Variants in PIWIL1 observed in about 807,000 individuals in gnomAD.
PIWIL1 encodes the protein piwi-like protein 1.
In PIWIL1, 73 loss-of-function variants were observed where a neutral mutation model predicts 114.4. That is an observed-to-expected ratio of 0.64 (90% CI 0.53 to 0.78). The LOEUF (loss-of-function observed/expected upper bound fraction) is 0.78. PIWIL1 is among the 30% of genes least tolerant of loss of function. PIWIL1 has a pLI of 0.00. For missense variants in PIWIL1, 723 were observed against 1,063.1 expected, an observed-to-expected ratio of 0.68 and a Z score of 4.45; for synonymous variants, 375 against 369.0, an observed-to-expected ratio of 1.02 and a Z score of -0.19.
At chr12:130,377,603 G>A (rs2073877617), downstream of PIWIL1, among the ~76,000 whole-genome samples, 1 of 152,236 alleles carries the variant, frequency 6.6e-6, no homozygotes. Flanking sequence ...CAGATGCTCT[G>A]CTGGCATTGG....
At chr12:130,357,184 C>A in intron 13 of PIWIL1, 79 bp downstream of exon 13, 1 of 1,127,570 alleles carries the variant, frequency 8.9e-7, no homozygotes, top group Non-Finnish European at 1.3e-6. Context: ...AACATACAAA[C>A]TACGTTATCT....
At chr12:130,391,904 C>G in the PIWIL1 span, among the ~76,000 whole-genome samples, 1 of 146,932 alleles carries the variant, frequency 6.8e-6, no homozygotes, top group African/African-American at 2.5e-5. Context: ...CACATGCGTG[C>G]GTCAGTGACC....
At chr12:130,391,375 A>G in the PIWIL1 span, among the ~76,000 whole-genome samples, 3 of 152,300 alleles carry the variant, frequency 2.0e-5, no homozygotes, top group African/African-American at 7.2e-5. Context: ...ATCTGACGCA[A>G]GTCCAGCCAT....
At chr12:130,343,412 A>G (rs553749518) in intron 3 of PIWIL1, among the ~76,000 whole-genome samples, 1 of 152,346 alleles carries the variant, frequency 6.6e-6, no homozygotes, top group South Asian at 2.1e-4. Context: ...CATTGTGACC[A>G]TTAATACATG....
Position 130,338,053 on chromosome 12 carries a change from G to A in PIWIL1, c.-106G>A. ...GGGCCGAAGGAGGTCCTGGGAGGTCGGCGGCGCGGAGGGATCTCCGCGGGA... is the reference window on the plus strand; with the variant it reads ...GGGCCGAAGGAGGTCCTGGGAGGTCAGCGGCGCGGAGGGATCTCCGCGGGA... On this transcript the variant is annotated 5_prime_UTR_variant, in exon 1 of 21. Coordinates refer to ENST00000245255, the MANE Select transcript of PIWIL1 (RefSeq NM_004764.5). 5.6e-6 allele frequency: 1 copy of A among 178,552 alleles called. No homozygotes were observed. The highest frequency in any genetic ancestry group is 1.2e-5 in the Non-Finnish European group (1 of 85,380). The allele number at this position is 178,552 out of a possible 1,614,324, so 11.1% of individuals were successfully genotyped here.
At chr12:130,386,189 A>G in the PIWIL1 span, among the ~76,000 whole-genome samples, 1 of 152,150 alleles carries the variant, frequency 6.6e-6, no homozygotes, top group African/African-American at 2.4e-5. Flanking sequence ...TTCTTTTTTC[A>G]TTTTTACTTT....
chr12:130,396,735 A>AAAC, the PIWIL1 span: 1 of 152,662 alleles, frequency 6.6e-6, no homozygotes, highest in Non-Finnish European at 1.5e-5. Flanking sequence ...ATGATTGAGT[A>AAAC]AACATTTTCT....
rs2073070516 is a variant in PIWIL1 at position 130,346,431 on chromosome 12, G to C, written c.378G>C (p.Gln126His). Residue 126 changes from glutamine to histidine, a missense_variant, in exon 5 of 21, where the codon CAG becomes CAC. Gln to His is a conservative substitution (Grantham distance 24, BLOSUM62 0). Transcript: ENST00000245255. ...ATTTCCGGCTGACATCCCGTCCCCA[G>C]TGGGCCTTATATCAGTATCACATTG... ...TNHFRLTSRPQWALYQYHIDY... is the reference protein window; with the variant it reads ...TNHFRLTSRPHWALYQYHIDY... 3 of 1,614,020 alleles carry C rather than the reference G, an allele frequency of 1.9e-6. No individual in the cohort carries two copies. Among genetic ancestry groups the C allele is most frequent in the Admixed American group, 3.3e-5 (2 of 60,000 alleles).
At position 130,342,634 on chromosome 12, in the gene PIWIL1, G is replaced by A. The variant is rs150787742; in HGVS notation, c.43G>A (p.Gly15Ser). The A allele has an allele frequency of 2.9e-5, 46 of 1,613,834 alleles. No homozygotes were observed. The highest frequency in any genetic ancestry group is 3.3e-4 in the Middle Eastern group (2 of 6,078). Residue 15 changes from glycine (G) to serine (S), a missense_variant, in exon 2 of 21, where the codon GGT (glycine) becomes AGT (serine). Around this residue, in one of 8 missense-constraint regions of PIWIL1, gnomAD observed 91 missense variants for 76.2 expected, o/e 1.19. Transcript: ENST00000245255. ...ARARARGRARGQETAQLVGST... is the reference protein window; with the variant it reads ...ARARARGRARSQETAQLVGST... ...AGCCAGAGCCAGAGGAAGGGCCCGCGGTCAGGAGACAGCGCAGCTGGTGGG... is the reference window on the plus strand; with the variant it reads ...AGCCAGAGCCAGAGGAAGGGCCCGCAGTCAGGAGACAGCGCAGCTGGTGGG...
chr12:130,349,012 T>C (rs904710243), intron 7 of PIWIL1, among the ~76,000 whole-genome samples: 1 of 152,254 alleles, frequency 6.6e-6, no homozygotes, highest in Non-Finnish European at 1.5e-5. Flanking sequence ...GTGTAATGAA[T>C]AGCTGAATAA....
chr12:130,366,233 TTAAC>T (rs1210539466), intron 18 of PIWIL1, among the ~76,000 whole-genome samples: 1 of 152,154 alleles, frequency 6.6e-6, no homozygotes, highest in African/African-American at 2.4e-5. Flanking sequence ...AATTCATGGA[TTAAC>T]TACGTGGATT....
chr12:130,414,307 C>T, the PIWIL1 span: 1 of 1,577,648 alleles, frequency 6.3e-7, no homozygotes, highest in African/African-American at 1.3e-5. Flanking sequence ...CCGTAATCGT[C>T]TGCGAGCAAG....
At chr12:130,402,564 T>G in the PIWIL1 span, among the ~76,000 whole-genome samples, 390 of 152,234 alleles carry the variant, frequency 2.6e-3, 1 homozygote, top group Non-Finnish European at 4.6e-3. Flanking sequence ...TCTAAAAAAA[T>G]TTCACCTTGA....
the PIWIL1 span, chr12:130,414,194 C>A: frequency 6.2e-6 from 10 of 1,614,002 alleles, no homozygotes; most frequent in African/African-American, 1.3e-4. Context: ...ACATGGTGAG[C>A]GGGTCGTAGT....
chr12:130,369,055 AC>A (rs1014882419), intron 19 of PIWIL1, among the ~76,000 whole-genome samples: 1 of 150,814 alleles, frequency 6.6e-6, no homozygotes, highest in Middle Eastern at 3.2e-3. Context: ...CCTCCTCCTT[AC>A]CCCCCAACAG....
intron 9 of PIWIL1, among the ~76,000 whole-genome samples, chr12:130,352,345 G>C (rs895541107): frequency 6.6e-6 from 1 of 152,112 alleles, no homozygotes; most frequent in African/African-American, 2.4e-5. Flanking sequence ...TAATAAAAAT[G>C]AGAGTGCTGT....
At chr12:130,344,340 G>A (rs1294541238) in intron 3 of PIWIL1, among the ~76,000 whole-genome samples, 1 of 152,154 alleles carries the variant, frequency 6.6e-6, no homozygotes, top group Non-Finnish European at 1.5e-5. Context: ...AGCTCACTGA[G>A]AGAGACAAGT....
At chr12:130,423,260 G>T in the PIWIL1 span, among the ~76,000 whole-genome samples, 1 of 152,222 alleles carries the variant, frequency 6.6e-6, no homozygotes. Flanking sequence ...ATGGTGGGAA[G>T]GGAGTCCGGG....
downstream of PIWIL1, among the ~76,000 whole-genome samples, chr12:130,375,821 C>A (rs2073862673): frequency 6.6e-6 from 1 of 152,092 alleles, no homozygotes; most frequent in Admixed American, 6.6e-5. Flanking sequence ...AATCCAGTGC[C>A]AGCTGTTCAA....
Sources: allele counts gnomAD v4.1 joint callset (sites outside exome capture counted in the v4.1 genomes callset), GRCh38; gene constraint gnomAD v4.1.1; regional missense constraint gnomAD v4.1.1; transcripts MANE v1.5; gene names NCBI Gene and HGNC (gene_info 2026-07-23, HGNC 2026-07-21).